The following UHRF1 variants were observed in gnomAD, a reference collection of about 807,000 sequenced individuals.
The protein encoded by UHRF1 is ubiquitin like with PHD and ring finger domains 1.
Under a neutral mutation model 96.5 loss-of-function variants are expected in UHRF1, and 9 were observed. The ratio of observed to expected loss-of-function variants is 0.09; its 90% confidence interval spans 0.06 to 0.16. UHRF1 has a LOEUF of 0.16. Ranked by LOEUF, UHRF1 falls within the 10% of genes least tolerant of loss-of-function variation. The pLI is 1.00. For synonymous variants in UHRF1, 455 were observed against 469.9 expected, an observed-to-expected ratio of 0.97 and a Z score of 0.41; for missense variants, 626 against 1,131.1, an observed-to-expected ratio of 0.55 and a Z score of 6.40.
Position 4,930,739 on chromosome 19 carries a change from G to A in UHRF1, c.432G>A (p.Arg144=). 6.2e-7 allele frequency: 1 copy of A among 1,613,920 alleles called. No individual in the cohort carries two copies. Residue 144 remains arginine (R), a synonymous_variant, in exon 4 of 17, where the codon CGG becomes CGA. Coordinates refer to ENST00000650932, the MANE Select transcript of UHRF1 (RefSeq NM_001048201.3). The surrounding 1 kb of genome is among the most constrained non-coding windows in gnomAD (Gnocchi z 4.4). ...LYKVNEYVDA[R]DTNMGAWFEA... The stretch of plus-strand genomic sequence containing the variant: ...AGGTCAATGAGTACGTCGATGCTCG[G>A]GACACGAACATGGGGGCGTGGTTTG...
intron 2 of UHRF1, among the ~76,000 whole-genome samples, chr19:4,920,770 A>T (rs2032675615): frequency 6.6e-6 from 1 of 152,316 alleles, no homozygotes; most frequent in South Asian, 2.1e-4. Flanking sequence ...TAACACAGAC[A>T]TCATAGGTAC....
At chr19:4,938,020 G>C (rs2146349282) in intron 5 of UHRF1, among the ~76,000 whole-genome samples, 1 of 152,170 alleles carries the variant, frequency 6.6e-6, no homozygotes, top group East Asian at 1.9e-4. Context: ...TGGGCTTGGT[G>C]GTGTGCACCT....
intron 11 of UHRF1, 48 bp from the exon 12 acceptor site, chr19:4,950,563 G>C: frequency 6.4e-7 from 1 of 1,568,998 alleles, no homozygotes; most frequent in Non-Finnish European, 8.6e-7. Context: ...CCTTTTTTGG[G>C]GGGTACATCC....
At chr19:4,953,912 G>A (rs1204524920) in intron 13 of UHRF1, among the ~76,000 whole-genome samples, 1 of 152,040 alleles carries the variant, frequency 6.6e-6, no homozygotes, top group Non-Finnish European at 1.5e-5. Flanking sequence ...TGGGTGTGGT[G>A]GCGGGCACCT....
intron 2 of UHRF1, among the ~76,000 whole-genome samples, chr19:4,922,091 C>T (rs2032720334): frequency 6.6e-6 from 1 of 152,098 alleles, no homozygotes; most frequent in Non-Finnish European, 1.5e-5. Flanking sequence ...GAATTACAGG[C>T]GTGCGCCACC....
rs145065704 is a variant in UHRF1, at chr19:4,939,694, T to C, written c.786-1834T>C. On this transcript the variant is annotated intron_variant, in intron 5 of 16. Coordinates refer to ENST00000650932, the MANE Select transcript of UHRF1 (RefSeq NM_001048201.3). ...AGAGCCACCTGTGCTGTGCTTGAAA[T>C]GTGGCCAGGAGGAACTGGAATGTAC... Among the ~76,000 whole-genome samples the C allele has an allele frequency of 4.5e-3, 690 of 152,186 alleles. 2 individuals are homozygous for C. Among genetic ancestry groups the C allele is most frequent in the Admixed American group, 7.9e-3 (121 of 15,280 alleles).
chr19:4,917,652 C>CAAA (rs754990585), intron 2 of UHRF1, among the ~76,000 whole-genome samples: 1,185 of 34,222 alleles, frequency 0.035, 38 homozygotes, highest in South Asian at 0.05. Flanking sequence ...GACTCCGTCT[C>CAAA]AAAAAAAAAA....
chr19:4,938,756 TTTTTTG>T (rs2033295072), intron 5 of UHRF1, among the ~76,000 whole-genome samples: 1 of 123,386 alleles, frequency 8.1e-6, no homozygotes, highest in African/African-American at 3.6e-5. Flanking sequence ...TTTTTTTTTT[TTTTTTG>T]AGATAAGGTC....
At chr19:4,940,254 A>G (rs1213398374) in intron 5 of UHRF1, among the ~76,000 whole-genome samples, 1 of 150,386 alleles carries the variant, frequency 6.6e-6, no homozygotes, top group Non-Finnish European at 1.5e-5. Flanking sequence ...TTTCCCTCGG[A>G]CGTTGCTGAT....
chr19:4,946,022 T>A, intron 10 of UHRF1, 57 bp downstream of exon 10: 1 of 1,337,234 alleles, frequency 7.5e-7, no homozygotes, highest in Non-Finnish European at 1.0e-6. Flanking sequence ...TGGATGGTGG[T>A]AAAATACATA....
chr19:4,922,489 A>G (rs2032732929), intron 2 of UHRF1, among the ~76,000 whole-genome samples: 1 of 150,998 alleles, frequency 6.6e-6, no homozygotes, highest in Admixed American at 6.6e-5. Context: ...CTGGTCTCGA[A>G]CTCCTGACCT....
upstream of UHRF1, among the ~76,000 whole-genome samples, chr19:4,907,173 G>A (rs1024186072): frequency 2.0e-5 from 3 of 152,150 alleles, no homozygotes; most frequent in African/African-American, 4.8e-5. Flanking sequence ...ACACTGGCTC[G>A]ATCTTGGCTC....
chr19:4,950,474 C>G, intron 11 of UHRF1, 137 bp from the exon 12 acceptor site: 2 of 909,760 alleles, frequency 2.2e-6, no homozygotes, highest in Non-Finnish European at 3.2e-6. Flanking sequence ...GAACTCCTGA[C>G]TTCAGGCGAT....
chr19:4,940,358 G>GGTTTTT (rs2033353512), intron 5 of UHRF1, among the ~76,000 whole-genome samples: 1 of 85,150 alleles, frequency 1.2e-5, no homozygotes, highest in South Asian at 4.6e-4. Flanking sequence ...TTGCCTTTAT[G>GGTTTTT]ATTTTTTTTT....
rs2146331744 is a variant in UHRF1 at position 4,930,885 on chromosome 19, T to C, written c.569+9T>C. ...CACGTGAAATACGACGAGTGAGTCA[T>C]GGCAGGTGGGCGGGCCTGGGTATTC... On this transcript the variant is annotated intron_variant, in intron 4 of 16. Coordinates refer to ENST00000650932, the MANE Select transcript of UHRF1 (RefSeq NM_001048201.3). This position sits in a 1 kb window ranked among gnomAD's most constrained non-coding sequence, Gnocchi z 4.4. 6.2e-7 allele frequency: 1 copy of C among 1,613,552 alleles called. No homozygotes were observed. Among genetic ancestry groups the C allele is most frequent in the Non-Finnish European group, 8.5e-7 (1 of 1,179,678 alleles).
upstream of UHRF1, among the ~76,000 whole-genome samples, chr19:4,905,699 G>T (rs2032052460): frequency 6.6e-6 from 1 of 151,900 alleles, no homozygotes; most frequent in Admixed American, 6.6e-5. Flanking sequence ...TGTATTTTTA[G>T]TAGAGACGGG....
rs2033403509 is a variant in UHRF1, at chr19:4,941,608, T to C, written c.866T>C (p.Met289Thr). 8.7e-6 allele frequency: 14 copies of C among 1,613,586 alleles called. No individual in the cohort carries two copies. The highest frequency in any genetic ancestry group is 1.3e-5 in the African/African-American group (1 of 74,914). ...KIERPGEGSPMVDNPMRRKSG... is the reference protein window; with the variant it reads ...KIERPGEGSPTVDNPMRRKSG... Reference sequence around the variant, plus strand: ...GAGCGGCCGGGTGAAGGGAGCCCCATGGTTGACAACCCCATGAGACGTGAG... The same window carrying C: ...GAGCGGCCGGGTGAAGGGAGCCCCACGGTTGACAACCCCATGAGACGTGAG... Residue 289 changes from methionine to threonine, a missense_variant, in exon 6 of 17, where the codon ATG (methionine) becomes ACG (threonine). By Grantham distance (81) the Met-to-Thr change is moderately conservative (BLOSUM62 -1). This residue lies in a region of UHRF1 where 198 missense variants were observed against 235.1 expected (regional missense o/e 0.84). Transcript: ENST00000650932.
At chr19:4,927,781 G>A (rs17880653) in intron 2 of UHRF1, among the ~76,000 whole-genome samples, 1 of 152,088 alleles carries the variant, frequency 6.6e-6, no homozygotes, top group Non-Finnish European at 1.5e-5. Flanking sequence ...GTGCCCAGAG[G>A]GGGAGACCCA....
At chr19:4,928,168 C>T (rs1327512519) in intron 2 of UHRF1, among the ~76,000 whole-genome samples, 1 of 151,800 alleles carries the variant, frequency 6.6e-6, no homozygotes, top group African/African-American at 2.4e-5. Flanking sequence ...ACGGGGTGCT[C>T]CTGGCATGGA....
Sources: gnomAD v4.1 joint callset for allele counts (sites outside exome capture counted in the v4.1 genomes callset) on GRCh38, gnomAD v4.1.1 for gene constraint, gnomAD v4.1.1 regional missense constraint, Gnocchi (gnomAD v3.1) non-coding constraint, MANE v1.5 for transcripts, NCBI Gene and HGNC (gene_info 2026-07-23, HGNC 2026-07-21) for gene names.